ZCCHC7: variants seen among roughly 807,000 people sequenced by gnomAD.
ZCCHC7 encodes zinc finger CCHC domain-containing protein 7.
Under a neutral mutation model 52.0 loss-of-function variants are expected in ZCCHC7, and 35 were observed. The ratio of observed to expected loss-of-function variants is 0.67; its 90% CI spans 0.51 to 0.89. The LOEUF is 0.89. Among genes scored for constraint, ZCCHC7 ranks in the 40% least tolerant of loss-of-function variants. ZCCHC7 has a pLI of 0.00. For synonymous variants in ZCCHC7, 217 were observed against 221.5 expected (o/e 0.98, Z 0.18); for missense variants, 574 against 649.1 (o/e 0.88, Z 1.26).
intron 2 of ZCCHC7, among the ~76,000 whole-genome samples, chr9:37,270,693 AAAAG>A (rs1260144408): frequency 2.6e-5 from 4 of 151,808 alleles, no homozygotes; most frequent in Non-Finnish European, 5.9e-5. Context: ...AAAAAAAAAA[AAAAG>A]AAAAGAAAAA....
chr9:37,132,743 A>G (rs1338570994), intron 2 of ZCCHC7, among the ~76,000 whole-genome samples: 1 of 152,198 alleles, frequency 6.6e-6, no homozygotes, highest in Non-Finnish European at 1.5e-5. Flanking sequence ...TATACTTTTA[A>G]GTCCGGGGTG....
intron 2 of ZCCHC7, among the ~76,000 whole-genome samples, chr9:37,173,194 C>T (rs940660084): frequency 1.3e-5 from 2 of 152,182 alleles, no homozygotes; most frequent in East Asian, 1.9e-4. Flanking sequence ...TTAGCAATGT[C>T]GGCATTCCAG....
intron 2 of ZCCHC7, among the ~76,000 whole-genome samples, chr9:37,146,883 G>T (rs769667391): frequency 1.3e-5 from 2 of 151,844 alleles, no homozygotes; most frequent in African/African-American, 4.8e-5. Flanking sequence ...TTTAAAATTT[G>T]TGGGTACTTA....
chr9:37,201,832 CAAA>C (rs1385092511), intron 2 of ZCCHC7, among the ~76,000 whole-genome samples: 1 of 152,122 alleles, frequency 6.6e-6, no homozygotes, highest in Non-Finnish European at 1.5e-5. Context: ...GCTATAGAAA[CAAA>C]GAAGCTATAC....
rs145387858 is a variant in ZCCHC7, at chr9:37,353,627, A to G, written c.1084-1083A>G. Among the ~76,000 whole-genome samples the G allele has an allele frequency of 7.6e-3, 1,164 of 152,274 alleles. 10 individuals are homozygous for G. The highest frequency in any genetic ancestry group is 0.014 in the Middle Eastern group (4 of 294). On this transcript the variant is annotated intron_variant, in intron 7 of 8. Coordinates refer to ENST00000336755, the MANE Select transcript of ZCCHC7 (RefSeq NM_032226.3). Reference sequence around the variant, plus strand: ...GGGGAAAAACAGGCAACTAAGGTAAAATGTTATGGTTTTATATGAGGGTGA... The same window carrying G: ...GGGGAAAAACAGGCAACTAAGGTAAGATGTTATGGTTTTATATGAGGGTGA...
intron 2 of ZCCHC7, among the ~76,000 whole-genome samples, chr9:37,285,385 C>T (rs975078811): frequency 2.0e-5 from 3 of 151,946 alleles, no homozygotes; most frequent in Non-Finnish European, 2.9e-5. Context: ...ATGGTATTTT[C>T]GAAATTATTT....
intron 2 of ZCCHC7, among the ~76,000 whole-genome samples, chr9:37,151,763 C>T (rs1217613884): frequency 2.0e-5 from 3 of 152,110 alleles, no homozygotes; most frequent in African/African-American, 2.4e-5. Context: ...CGAGATTGTG[C>T]CACTGCACTC....
intron 2 of ZCCHC7, among the ~76,000 whole-genome samples, chr9:37,136,533 C>T (rs578013562): frequency 6.6e-6 from 1 of 152,108 alleles, no homozygotes; most frequent in South Asian, 2.1e-4. Context: ...TCATGGCTCA[C>T]TGTAGCCTTG....
At position 37,199,327 on chromosome 9, in the gene ZCCHC7, C is replaced by CTT. The variant is rs57881366; in HGVS notation, c.610+72402_610+72403dup. On this transcript the variant is annotated intron_variant, in intron 2 of 8. Transcript: ENST00000336755. ...CTTTTTCTTTTTTCTTTTCTTTCTT[C>CTT]TTTTTTTTTTTTTTTTTTCTTGAGA... Among the ~76,000 whole-genome samples the CTT allele has an allele frequency of 4.8e-3, 619 of 129,658 alleles. 3 individuals are homozygous for CTT. Among genetic ancestry groups the CTT allele is most frequent in the African/African-American group, 0.015 (505 of 34,500 alleles). 85.1% of individuals were successfully genotyped at this position (129,658 alleles called of 152,430 possible).
At chr9:37,130,339 T>TC in intron 2 of ZCCHC7, among the ~76,000 whole-genome samples, 1 of 126,852 alleles carries the variant, frequency 7.9e-6, no homozygotes, top group Non-Finnish European at 1.7e-5. Flanking sequence ...CTCTCCTTTT[T>TC]TTTTTTTTTT....
intron 2 of ZCCHC7, among the ~76,000 whole-genome samples, chr9:37,184,512 C>G (rs1396737901): frequency 6.6e-6 from 1 of 151,972 alleles, no homozygotes; most frequent in Non-Finnish European, 1.5e-5. Flanking sequence ...ATCTCTTATC[C>G]TGAATCCCCT....
chr9:37,191,375 AT>A, intron 2 of ZCCHC7, among the ~76,000 whole-genome samples: 1 of 152,022 alleles, frequency 6.6e-6, no homozygotes, highest in Non-Finnish European at 1.5e-5. Flanking sequence ...TATATTGAAC[AT>A]TTTTTGTCAT....
At chr9:37,348,378 C>CTTTCTTTCTTTCTTTCT (rs1462318343) in intron 6 of ZCCHC7, among the ~76,000 whole-genome samples, 11 of 146,560 alleles carry the variant, frequency 7.5e-5, no homozygotes, top group African/African-American at 3.0e-4. Flanking sequence ...TTCTTTCTTT[C>CTTTCTTTCTTTCTTTCT]TTTCTTTCTT....
intron 2 of ZCCHC7, among the ~76,000 whole-genome samples, chr9:37,131,325 G>A (rs1199592489): frequency 6.1e-5 from 9 of 146,676 alleles, no homozygotes; most frequent in Non-Finnish European, 1.2e-4. Context: ...GGGTGATAGA[G>A]CGAGACTCTG....
chr9:37,344,140 C>T (rs1018733817), intron 6 of ZCCHC7, among the ~76,000 whole-genome samples: 1 of 152,066 alleles, frequency 6.6e-6, no homozygotes, highest in African/African-American at 2.4e-5. Context: ...TAGCAAGACC[C>T]CCATCTCCTA....
chr9:37,158,504 C>A (rs1820930577), intron 2 of ZCCHC7, among the ~76,000 whole-genome samples: 1 of 152,150 alleles, frequency 6.6e-6, no homozygotes, highest in Non-Finnish European at 1.5e-5. Context: ...CTGGAGGGAA[C>A]ATGAAGGGGA....
intron 2 of ZCCHC7, among the ~76,000 whole-genome samples, chr9:37,241,618 C>G (rs1029295993): frequency 2.6e-5 from 4 of 151,780 alleles, no homozygotes; most frequent in African/African-American, 9.7e-5. Flanking sequence ...AAAAGTCTTT[C>G]ATTTTAGCAG....
intron 2 of ZCCHC7, among the ~76,000 whole-genome samples, chr9:37,268,488 G>T (rs1432589532): frequency 6.6e-6 from 1 of 150,854 alleles, no homozygotes; most frequent in African/African-American, 2.4e-5. Context: ...GTGCAGTGGC[G>T]CGATCTGGGC....
intron 6 of ZCCHC7, among the ~76,000 whole-genome samples, chr9:37,330,982 T>C (rs934325554): frequency 1.3e-5 from 2 of 151,852 alleles, no homozygotes; most frequent in African/African-American, 4.8e-5. Flanking sequence ...AGTTTGCTAT[T>C]TGAGGGCTGT....
Sources: gnomAD v4.1 joint callset for allele counts (sites outside exome capture counted in the v4.1 genomes callset) on GRCh38, gnomAD v4.1.1 for gene constraint, MANE v1.5 for transcripts, NCBI Gene and HGNC (gene_info 2026-07-23, HGNC 2026-07-21) for gene names.